Variants in DAB1 observed in about 807,000 individuals in gnomAD.
DAB1 encodes DAB adaptor protein 1.
Under a neutral mutation model 64.6 loss-of-function variants are expected in DAB1, and 15 were observed. That is an observed-to-expected ratio of 0.23 (90% CI 0.16 to 0.36). The LOEUF is 0.36. Among genes scored for constraint, DAB1 ranks in the 10% least tolerant of loss-of-function variants. The pLI is 1.00. For synonymous variants in DAB1, 235 were observed against 251.9 expected (o/e 0.93, Z 0.64); for missense variants, 596 against 706.7 (o/e 0.84, Z 1.78).
At chr1:57,836,342 T>G (rs1235968405) in intron 1 of DAB1, among the ~76,000 whole-genome samples, 1 of 152,112 alleles carries the variant, frequency 6.6e-6, no homozygotes, top group East Asian at 1.9e-4. Flanking sequence ...TCCAGGAAAA[T>G]GGCAGCAAAG....
At chr1:57,630,668 C>T (rs973314010) in intron 7 of DAB1, among the ~76,000 whole-genome samples, 2 of 152,078 alleles carry the variant, frequency 1.3e-5, no homozygotes, top group African/African-American at 4.8e-5. Flanking sequence ...GTCCTGGCCT[C>T]AAAGCATCCT....
At chr1:57,574,584 G>A (rs192132807) in intron 7 of DAB1, among the ~76,000 whole-genome samples, 18 of 152,264 alleles carry the variant, frequency 1.2e-4, no homozygotes, top group Admixed American at 1.2e-3. Context: ...TGATTTCAGA[G>A]CCCTTGAAAA....
rs1240964212 is a variant in DAB1, at chr1:57,783,683, C to T, written n.551+100316G>A. 2.0e-5 allele frequency among the ~76,000 whole-genome samples: 3 copies of T among 152,148 alleles called. No homozygotes were observed. In the East Asian group the frequency reaches 5.8e-4, roughly 29 times the overall value. On this transcript the variant is annotated intron_variant and non_coding_transcript_variant, in intron 6 of 20. Transcript: ENST00000485760. ...CCATTTTTTCAACAGTATGTGGTCA[C>T]TTCGTGTCTGTGTCCCATTTTGGTA...
At chr1:57,074,014 C>A (rs1006126156) in intron 4 of DAB1, among the ~76,000 whole-genome samples, 2 of 152,102 alleles carry the variant, frequency 1.3e-5, no homozygotes, top group Admixed American at 6.5e-5. Context: ...GTGGCTGGGA[C>A]TACAGGCATA....
At chr1:58,470,450 A>G (rs577183143) in intron 3 of DAB1, among the ~76,000 whole-genome samples, 1 of 151,954 alleles carries the variant, frequency 6.6e-6, no homozygotes, top group Non-Finnish European at 1.5e-5. Context: ...CTGAAATTAT[A>G]GGCATGAGCC....
upstream of DAB1, among the ~76,000 whole-genome samples, chr1:57,884,391 G>C (rs1644192020): frequency 6.6e-6 from 1 of 152,122 alleles, no homozygotes; most frequent in African/African-American, 2.4e-5. Context: ...CTAGCACTGT[G>C]CTAGGCTATG....
intron 6 of DAB1, among the ~76,000 whole-genome samples, chr1:57,769,603 C>T (rs1649468368): frequency 6.6e-6 from 1 of 152,164 alleles, no homozygotes; most frequent in Non-Finnish European, 1.5e-5. Context: ...GCTGAGCAGG[C>T]CCAAGCCTAA....
rs570747867 is a variant in DAB1 at position 57,663,131 on chromosome 1, A to G, written n.552-13466T>C. ...TTAGGGAAGCTTCAGAAAACTTGCAATCATGACTGAAGGCGAAGGAGAAGC... is the reference window on the plus strand; with the variant it reads ...TTAGGGAAGCTTCAGAAAACTTGCAGTCATGACTGAAGGCGAAGGAGAAGC... On this transcript the variant is annotated intron_variant and non_coding_transcript_variant, in intron 6 of 20. Coordinates refer to the DAB1 transcript ENST00000485760. 5.3e-5 allele frequency among the ~76,000 whole-genome samples: 8 copies of G among 152,296 alleles called. No homozygotes were observed. In the South Asian group the frequency reaches 1.7e-3, roughly 32 times the overall value.
intron 9 of DAB1, among the ~76,000 whole-genome samples, chr1:57,041,264 T>C (rs558664780): frequency 2.6e-5 from 4 of 152,204 alleles, no homozygotes; most frequent in Non-Finnish European, 4.4e-5. Flanking sequence ...ATCAAGGCAT[T>C]AATTTAAATA....
rs962545616 is a variant in DAB1 at position 58,301,432 on chromosome 1, T to G, written n.309+41920A>C. On this transcript the variant is annotated intron_variant and non_coding_transcript_variant, in intron 4 of 20. Coordinates refer to the DAB1 transcript ENST00000485760. ...CGGGCCACATGCTGCCCATAACAGC[T>G]TTGAATGTAGCTCAACACAAATTCA... Among the ~76,000 whole-genome samples the G allele has an allele frequency of 2.0e-5, 3 of 152,214 alleles. No individual in the cohort carries two copies. The East Asian group carries it at 5.8e-4, about 29-fold the overall frequency.
intron 1 of DAB1, among the ~76,000 whole-genome samples, chr1:58,541,965 G>A (rs1646630202): frequency 1.3e-5 from 2 of 152,282 alleles, no homozygotes; most frequent in Admixed American, 6.5e-5. Flanking sequence ...AAAAAAATAT[G>A]TAAACTTCAA....
chr1:57,737,337 G>A (rs556402510), intron 6 of DAB1, among the ~76,000 whole-genome samples: 6 of 152,240 alleles, frequency 3.9e-5, no homozygotes, highest in Non-Finnish European at 7.4e-5. Context: ...ACTCACCACC[G>A]GAATATCATG....
intron 8 of DAB1, among the ~76,000 whole-genome samples, chr1:57,065,839 C>T (rs1290159410): frequency 6.6e-6 from 1 of 152,126 alleles, no homozygotes; most frequent in East Asian, 1.9e-4. Flanking sequence ...TCTAAGGGGG[C>T]TATACATAAA....
chr1:57,514,100 T>C (rs1644436706), intron 7 of DAB1, among the ~76,000 whole-genome samples: 1 of 152,248 alleles, frequency 6.6e-6, no homozygotes, highest in Non-Finnish European at 1.5e-5. Context: ...TAGACACCTA[T>C]GTTAATTCCA....
At chr1:57,628,101 G>C (rs1645944890) in intron 7 of DAB1, among the ~76,000 whole-genome samples, 1 of 152,164 alleles carries the variant, frequency 6.6e-6, no homozygotes, top group African/African-American at 2.4e-5. Context: ...GAGATAATTT[G>C]GAACTGAGTC....
At chr1:57,963,792 C>A (rs946625656) in intron 5 of DAB1, among the ~76,000 whole-genome samples, 1 of 152,114 alleles carries the variant, frequency 6.6e-6, no homozygotes, top group African/African-American at 2.4e-5. Context: ...ACTCATATCG[C>A]ATTACATTTA....
At chr1:58,190,936 G>C (rs1407805568) in intron 4 of DAB1, among the ~76,000 whole-genome samples, 1 of 149,770 alleles carries the variant, frequency 6.7e-6, no homozygotes, top group Non-Finnish European at 1.5e-5. Context: ...GTGGAGGAAA[G>C]GGGACACATG....
In DAB1 at chr1:57,951,332, A is replaced by ATATATATATATATAT. The variant is rs1491577001; in HGVS notation, n.388-67171_388-67170insATATATATATATATA. Among the ~76,000 whole-genome samples the ATATATATATATATAT allele has an allele frequency of 1.3e-4, 16 of 127,716 alleles. 2 individuals are homozygous for ATATATATATATATAT. Among genetic ancestry groups the ATATATATATATATAT allele is most frequent in the Non-Finnish European group, 2.5e-4 (14 of 55,890 alleles). 83.8% of individuals were successfully genotyped at this position (127,716 alleles called of 152,430 possible). On this transcript the variant is annotated intron_variant and non_coding_transcript_variant, in intron 5 of 20. Transcript: ENST00000485760. ...GAGCCTGATTCATATATATATATAT[A>ATATATATATATATAT]CTTCCCTGGAAACTTAAATTAGCCC...
At chr1:57,157,509 T>C (rs1273069006) in intron 2 of DAB1, among the ~76,000 whole-genome samples, 1 of 152,094 alleles carries the variant, frequency 6.6e-6, no homozygotes, top group Middle Eastern at 3.2e-3. Context: ...CCTTCCTGGC[T>C]TGCAGATTGC....
Sources: gnomAD v4.1 joint callset for allele counts (sites outside exome capture counted in the v4.1 genomes callset) on GRCh38, gnomAD v4.1.1 for gene constraint, MANE v1.5 for transcripts, NCBI Gene and HGNC (gene_info 2026-07-23, HGNC 2026-07-21) for gene names.